OPCML: variants seen among roughly 807,000 people sequenced by gnomAD.
OPCML encodes the protein opioid-binding protein/cell adhesion molecule.
Under a neutral mutation model 37.8 loss-of-function variants are expected in OPCML, and 13 were observed. The ratio of observed to expected loss-of-function variants is 0.34; its 90% CI spans 0.22 to 0.55. OPCML has a LOEUF of 0.55. OPCML is among the 20% of genes least tolerant of loss of function. The pLI is 0.91. For synonymous variants in OPCML, 176 were observed against 168.8 expected, an observed-to-expected ratio of 1.04 and a Z score of -0.33; for missense variants, 341 against 435.6, an observed-to-expected ratio of 0.78 and a Z score of 1.93.
At chr11:132,739,691 G>A (rs925646619) in intron 2 of OPCML, among the ~76,000 whole-genome samples, 3 of 152,176 alleles carry the variant, frequency 2.0e-5, no homozygotes, top group African/African-American at 7.2e-5. Flanking sequence ...AGATTGAAAA[G>A]GAAAGATGAG....
At chr11:132,513,900 A>C (rs986862192) in intron 4 of OPCML, among the ~76,000 whole-genome samples, 21 of 152,340 alleles carry the variant, frequency 1.4e-4, no homozygotes, top group African/African-American at 4.6e-4. Context: ...GGAGAAAACT[A>C]TAATTTTATT....
intron 1 of OPCML, among the ~76,000 whole-genome samples, chr11:133,465,564 T>C (rs1946957499): frequency 6.6e-6 from 1 of 152,190 alleles, no homozygotes; most frequent in Non-Finnish European, 1.5e-5. Flanking sequence ...CCTCCTGCCT[T>C]TGTGGAGTTC....
At chr11:132,557,320 T>A (rs2096398055) in intron 3 of OPCML, among the ~76,000 whole-genome samples, 4 of 152,162 alleles carry the variant, frequency 2.6e-5, no homozygotes, top group African/African-American at 2.4e-5. Context: ...AGGTATCACG[T>A]CCCTTAGAAA....
chr11:132,757,791 C>A (rs1015079341), intron 2 of OPCML, among the ~76,000 whole-genome samples: 1 of 152,150 alleles, frequency 6.6e-6, no homozygotes, highest in African/African-American at 2.4e-5. Flanking sequence ...TGCAGAAACT[C>A]TTTAGTTTAA....
intron 1 of OPCML, among the ~76,000 whole-genome samples, chr11:133,464,297 C>T (rs1204393823): frequency 2.7e-5 from 4 of 150,660 alleles, no homozygotes; most frequent in African/African-American, 1.0e-4. Context: ...CATCCACTCG[C>T]TTATTCATTT....
chr11:132,676,956 T>C (rs568112905), intron 2 of OPCML, among the ~76,000 whole-genome samples: 31 of 152,150 alleles, frequency 2.0e-4, no homozygotes, highest in African/African-American at 7.5e-4. Flanking sequence ...AAACTGTCTT[T>C]GTTCACATAT....
At chr11:133,207,009 C>T (rs546565635) in intron 1 of OPCML, among the ~76,000 whole-genome samples, 5 of 151,700 alleles carry the variant, frequency 3.3e-5, no homozygotes, top group East Asian at 2.0e-4. Flanking sequence ...TTCTAAGAGC[C>T]GGGCGCGGTG....
chr11:132,460,827 C>A (rs1241628970), intron 4 of OPCML, among the ~76,000 whole-genome samples: 2 of 152,156 alleles, frequency 1.3e-5, no homozygotes, highest in Non-Finnish European at 2.9e-5. Context: ...GGAAAGTGTT[C>A]TCTTAGGAAG....
At chr11:133,082,931 G>A (rs1449980431) in intron 1 of OPCML, among the ~76,000 whole-genome samples, 1 of 150,524 alleles carries the variant, frequency 6.6e-6, no homozygotes, top group African/African-American at 2.4e-5. Flanking sequence ...CAGGGGCCGG[G>A]GCGGACGTCG....
chr11:132,560,032 A>G lies in OPCML; in HGVS notation c.380-30846T>C, dbSNP rs1049281406. Among the ~76,000 whole-genome samples the G allele has an allele frequency of 3.3e-5, 5 of 152,240 alleles. No homozygotes were observed. The East Asian group carries it at 9.6e-4, about 29-fold the overall frequency. On this transcript the variant is annotated intron_variant, in intron 3 of 7. Coordinates refer to ENST00000524381, the MANE Select transcript of OPCML (RefSeq NM_001012393.5). The stretch of plus-strand genomic sequence containing the variant: ...ATTTATGTGAACTTAGTCATTTCCC[A>G]CAAATTATACATGTATAAAATATAG...
chr11:132,526,188 AAAATGCCTTTT>A (rs2096307942), intron 4 of OPCML, among the ~76,000 whole-genome samples: 1 of 152,226 alleles, frequency 6.6e-6, no homozygotes, highest in Non-Finnish European at 1.5e-5. Context: ...ACACAAAGTT[AAAATGCCTTTT>A]AAATGATTTC....
At chr11:132,463,520 C>T (rs1321676479) in intron 4 of OPCML, among the ~76,000 whole-genome samples, 12 of 152,218 alleles carry the variant, frequency 7.9e-5, no homozygotes, top group Admixed American at 6.5e-4. Flanking sequence ...CAAGATTCCA[C>T]GTGATTCTCA....
At chr11:133,374,417 G>T (rs1175234222) in intron 1 of OPCML, among the ~76,000 whole-genome samples, 1 of 152,174 alleles carries the variant, frequency 6.6e-6, no homozygotes, top group African/African-American at 2.4e-5. Flanking sequence ...TGGTTGTGAT[G>T]ATCATATATA....
chr11:133,398,096 C>T (rs1945325326), intron 1 of OPCML, among the ~76,000 whole-genome samples: 1 of 152,232 alleles, frequency 6.6e-6, no homozygotes, highest in African/African-American at 2.4e-5. Flanking sequence ...TCAGCTGCCA[C>T]TGGAACAAAG....
At chr11:132,645,658 C>T (rs1941109471) in intron 3 of OPCML, among the ~76,000 whole-genome samples, 1 of 150,712 alleles carries the variant, frequency 6.6e-6, no homozygotes, top group Non-Finnish European at 1.5e-5. Flanking sequence ...CAAGGAAGTA[C>T]AGGTAAAGTG....
At chr11:133,447,247 G>C (rs1266883807) in intron 1 of OPCML, among the ~76,000 whole-genome samples, 1 of 151,910 alleles carries the variant, frequency 6.6e-6, no homozygotes, top group Non-Finnish European at 1.5e-5. Context: ...ATCTCATTGT[G>C]GTTTTAATCT....
intron 1 of OPCML, among the ~76,000 whole-genome samples, chr11:133,529,225 G>A (rs566623268): frequency 3.9e-5 from 6 of 152,312 alleles, no homozygotes; most frequent in South Asian, 4.2e-4. Context: ...AAATGCTTCC[G>A]TCTGAGACGA....
intron 1 of OPCML, among the ~76,000 whole-genome samples, chr11:133,426,715 C>G (rs1000428381): frequency 3.9e-5 from 6 of 152,176 alleles, no homozygotes; most frequent in African/African-American, 1.4e-4. Context: ...AATGGTGATT[C>G]TCTTTTAGAT....
At chr11:133,008,221 A>G (rs989109046) in intron 1 of OPCML, 25 of 985,306 alleles carry the variant, frequency 2.5e-5, no homozygotes, top group Non-Finnish European at 3.0e-5. Flanking sequence ...CAGACCCTAC[A>G]CAGTGTTGGC....
Sources: allele counts gnomAD v4.1 joint callset (sites outside exome capture counted in the v4.1 genomes callset), GRCh38; gene constraint gnomAD v4.1.1; transcripts MANE v1.5; gene names NCBI Gene and HGNC (gene_info 2026-07-23, HGNC 2026-07-21).